IGHMBP2: variants seen among roughly 807,000 people sequenced by gnomAD.
IGHMBP2 encodes DNA-binding protein SMUBP-2.
IGHMBP2 carries 81 observed loss-of-function variants against 96.0 expected under a neutral mutation model. That is an observed-to-expected ratio of 0.84 (90% CI 0.71 to 1.01). IGHMBP2 has a LOEUF of 1.01. IGHMBP2 is among the 50% of genes least tolerant of loss of function. The probability of loss-of-function intolerance (pLI) is 0.00; values close to 1 mark genes in which losing one functional copy is unlikely to be tolerated. For missense variants in IGHMBP2, 1,227 were observed against 1,306.3 expected (o/e 0.94, Z 0.94); for synonymous variants, 557 against 548.9 (o/e 1.01, Z -0.21).
intron 7 of IGHMBP2, among the ~76,000 whole-genome samples, chr11:68,919,991 G>T (rs1025499081): frequency 6.6e-6 from 1 of 152,122 alleles, no homozygotes; most frequent in Non-Finnish European, 1.5e-5. Flanking sequence ...GCATGTTGTT[G>T]TACAGCAGAT....
intron 14 of IGHMBP2, 134 bp downstream of exon 14, chr11:68,938,488 C>T (rs1859639962): frequency 2.7e-6 from 2 of 748,376 alleles, no homozygotes; most frequent in Non-Finnish European, 4.3e-6. Context: ...CCTTCAGAAA[C>T]AGAAATCAGA....
In IGHMBP2 at chr11:68,929,208, G is replaced by A. The variant is rs376473360; in HGVS notation, c.1086G>A (p.Lys362=). 4.3e-6 allele frequency: 7 copies of A among 1,613,324 alleles called. No homozygotes were observed. The highest frequency in any genetic ancestry group is 1.6e-4 in the Middle Eastern group (1 of 6,076). ...GTGCGTCTGCCGATGGCCCCCTGAA[G>A]TTGCTGCCCGAGAGCTACTTCGACG... is the stretch of plus-strand genomic sequence containing the variant. ...NTGASADGPL[K]LLPESYFDVV... is the part of the protein sequence containing the mutation. The change falls in exon 8 of 15, where the codon AAG becomes AAA. Residue 362 remains lysine (K), a synonymous_variant. Transcript: ENST00000255078.
Position 68,936,757 on chromosome 11 carries a change from C to T in IGHMBP2, c.2277C>T (p.His759=). 3 of 1,614,076 alleles carry T rather than the reference C, an allele frequency of 1.9e-6. No homozygotes were observed. Among genetic ancestry groups the T allele is most frequent in the Non-Finnish European group, 2.5e-6 (3 of 1,180,042 alleles). Residue 759 remains histidine, a synonymous_variant, in exon 13 of 15, where the codon CAC becomes CAT. Transcript: ENST00000255078. Reference sequence around the variant, plus strand: ...ATTCCCACGACAGGCTGCGGGTCCACCAAATAGCCGAGGAGCACGGGCTGA... The same window carrying T: ...ATTCCCACGACAGGCTGCGGGTCCATCAAATAGCCGAGGAGCACGGGCTGA... ...SLNSHDRLRV[H]QIAEEHGLRH...
chr11:68,939,801 C>T lies in IGHMBP2; in HGVS notation c.*70C>T, dbSNP rs1309014758. On this transcript the variant is annotated 3_prime_UTR_variant, in exon 15 of 15. Transcript: ENST00000255078. The stretch of plus-strand genomic sequence containing the variant: ...CCCAGGGCGCTGGCAGACCATGCTC[C>T]GCCTCCACCAGGGCCACAGAGGAGC... 2.2e-5 allele frequency: 32 copies of T among 1,478,940 alleles called. No homozygotes were observed. The highest frequency in any genetic ancestry group is 9.7e-5 in the East Asian group (4 of 41,390). The allele number at this position is 1,478,940 out of a possible 1,614,324, so 91.6% of individuals were successfully genotyped here.
At chr11:68,934,434 G>C in intron 10 of IGHMBP2, 30 bp from the exon 11 acceptor site, 1 of 1,541,106 alleles carries the variant, frequency 6.5e-7, no homozygotes, top group Non-Finnish European at 8.9e-7. Context: ...GCGACCTTGT[G>C]CTGCTCACCC....
Position 68,908,210 on chromosome 11 carries a change from C to G in IGHMBP2, c.322C>G (p.Arg108Gly). The G allele has an allele frequency of 6.2e-7, 1 of 1,614,006 alleles. No homozygotes were observed. The highest frequency in any genetic ancestry group is 8.5e-7 in the Non-Finnish European group (1 of 1,179,998). Residue 108 changes from arginine (R) to glycine (G), a missense_variant, in exon 3 of 15, where the codon CGG (arginine) becomes GGG (glycine). Coordinates refer to ENST00000255078, the MANE Select transcript of IGHMBP2 (RefSeq NM_002180.3). The part of the protein sequence containing the change: ...GSQLATGILT[R>G]VTQKSVTVAF... ...TCAGCTGGCCACTGGGATCTTGACC[C>G]GGGTCACCCAGAAGTCGGTCACGGT...
rs760551395 is a variant in IGHMBP2, at chr11:68,904,020, C to T, written c.68C>T (p.Ala23Val). The T allele has an allele frequency of 2.6e-6, 4 of 1,549,804 alleles. No homozygotes were observed. The South Asian group carries it at 3.6e-5, about 14-fold the overall frequency. The stretch of plus-strand genomic sequence containing the variant: ...GACCTGCTGGAGCTTGAGAGAGACG[C>T]GGAGGTGGAGGAGCGCAGGTACGGG... Reference protein sequence around the residue: ...QLDLLELERDAEVEERRSWQE... With the variant: ...QLDLLELERDVEVEERRSWQE... Residue 23 changes from alanine (A) to valine (V), a missense_variant, in exon 1 of 15, where the codon GCG becomes GTG. By Grantham distance (64) the Ala-to-Val change is moderately conservative (BLOSUM62 0). Coordinates refer to ENST00000255078, the MANE Select transcript of IGHMBP2 (RefSeq NM_002180.3).
chr11:68,936,554 C>A lies in IGHMBP2; in HGVS notation c.2074C>A (p.Gln692Lys). The change falls in exon 13 of 15, where the codon CAG (glutamine) becomes AAG (lysine). Residue 692 changes from glutamine (Q) to lysine (K), a missense_variant. By Grantham distance (53) the Gln-to-Lys change is moderately conservative. Coordinates refer to ENST00000255078, the MANE Select transcript of IGHMBP2 (RefSeq NM_002180.3). ...GGQEAAAPAR[Q>K]GRKKPAGKSL... ...CCAGGAGGCTGCAGCACCTGCCAGACAGGGCCGGAAGAAGCCGGCTGGGAA... is the reference window on the plus strand; with the variant it reads ...CCAGGAGGCTGCAGCACCTGCCAGAAAGGGCCGGAAGAAGCCGGCTGGGAA... 1 of 1,612,514 alleles carries A rather than the reference C, an allele frequency of 6.2e-7. No homozygotes were observed. Among genetic ancestry groups the A allele is most frequent in the Non-Finnish European group, 8.5e-7 (1 of 1,179,312 alleles).
rs1347732611 is a variant in IGHMBP2, at chr11:68,903,930, A to G, written c.-23A>G. 2 of 1,592,718 alleles carry G rather than the reference A, an allele frequency of 1.3e-6. No homozygotes were observed. Among genetic ancestry groups the G allele is most frequent in the Admixed American group, 3.5e-5 (2 of 56,348 alleles). The stretch of plus-strand genomic sequence containing the variant: ...GCGCAGAAGCGGGACGTCGGCTTCT[A>G]GGGGCCCAGGCCGGCGGCGGCGATG... On this transcript the variant is annotated 5_prime_UTR_variant, in exon 1 of 15. Coordinates refer to ENST00000255078, the MANE Select transcript of IGHMBP2 (RefSeq NM_002180.3).
chr11:68,911,304 G>A, intron 4 of IGHMBP2, 136 bp from the exon 5 acceptor site: 1 of 796,612 alleles, frequency 1.3e-6, no homozygotes. Context: ...ATTTTGTGTT[G>A]ATTGGGTTGC....
At chr11:68,910,713 C>T (rs1242925195) in intron 4 of IGHMBP2, among the ~76,000 whole-genome samples, 1 of 152,130 alleles carries the variant, frequency 6.6e-6, no homozygotes, top group African/African-American at 2.4e-5. Context: ...GAATCCCCGT[C>T]TCTACTAACA....
chr11:68,933,555 A>G, intron 9 of IGHMBP2, 74 bp downstream of exon 9: 1 of 1,498,964 alleles, frequency 6.7e-7, no homozygotes, highest in Non-Finnish European at 9.1e-7. Flanking sequence ...GTTTCTACGC[A>G]GCAAGCTAAA....
intron 8 of IGHMBP2, among the ~76,000 whole-genome samples, 178 bp downstream of exon 8, chr11:68,929,535 T>C (rs1311489728): frequency 6.6e-6 from 1 of 152,224 alleles, no homozygotes; most frequent in Non-Finnish European, 1.5e-5. Context: ...TGTGAGATCA[T>C]GTACTCCCCG....
Position 68,939,785 on chromosome 11 carries a change from C to T in IGHMBP2, c.*54C>T, listed in dbSNP as rs1594460382. 6.5e-7 allele frequency: 1 copy of T among 1,534,640 alleles called. No individual in the cohort carries two copies. The highest frequency in any genetic ancestry group is 8.8e-7 in the Non-Finnish European group (1 of 1,130,470). On this transcript the variant is annotated 3_prime_UTR_variant, in exon 15 of 15. Transcript: ENST00000255078. Reference sequence around the variant, plus strand: ...GCTCTCTCCATGGTAGCCCAGGGCGCTGGCAGACCATGCTCCGCCTCCACC... The same window carrying T: ...GCTCTCTCCATGGTAGCCCAGGGCGTTGGCAGACCATGCTCCGCCTCCACC...
intron 8 of IGHMBP2, 22 bp from the exon 9 acceptor site, chr11:68,933,277 C>T (rs1252593663): frequency 7.5e-6 from 12 of 1,606,500 alleles, no homozygotes; most frequent in Non-Finnish European, 1.0e-5. Flanking sequence ...CTGCCTTCCC[C>T]CTTTCTCCCT....
chr11:68,935,563 C>T (rs1458526129), intron 12 of IGHMBP2, 141 bp downstream of exon 12: 16 of 1,022,714 alleles, frequency 1.6e-5, no homozygotes, highest in South Asian at 7.9e-5. Context: ...AGTAAGTTCA[C>T]GTCAGGCAAA....
At chr11:68,928,272 A>G (rs1326483969) in intron 7 of IGHMBP2, among the ~76,000 whole-genome samples, 1 of 152,180 alleles carries the variant, frequency 6.6e-6, no homozygotes, top group South Asian at 2.1e-4. Context: ...GTGCTTCTCC[A>G]TCATGAAGTC....
intron 7 of IGHMBP2, among the ~76,000 whole-genome samples, chr11:68,918,764 C>T (rs1222243386): frequency 6.6e-6 from 1 of 152,100 alleles, no homozygotes; most frequent in East Asian, 1.9e-4. Context: ...CCTCAGCCTC[C>T]TAAAGTGCTA....
intron 4 of IGHMBP2, among the ~76,000 whole-genome samples, chr11:68,909,040 C>T (rs960494602): frequency 1.3e-5 from 2 of 151,418 alleles, no homozygotes; most frequent in African/African-American, 4.9e-5. Flanking sequence ...GAGGTTTCAC[C>T]ATATTGACCA....
Sources: allele counts gnomAD v4.1 joint callset (sites outside exome capture counted in the v4.1 genomes callset), GRCh38; gene constraint gnomAD v4.1.1; transcripts MANE v1.5; gene names NCBI Gene and HGNC (gene_info 2026-07-23, HGNC 2026-07-21).